The following ZNF804B variants were observed in gnomAD, a reference collection of about 807,000 sequenced individuals.
ZNF804B encodes zinc finger 804B.
A neutral mutation model predicts 101.4 loss-of-function variants in ZNF804B; 80 were observed. That is an observed-to-expected ratio of 0.79 (90% CI 0.66 to 0.95). The LOEUF (loss-of-function observed/expected upper bound fraction) is 0.95. Among genes scored for constraint, ZNF804B ranks in the 40% least tolerant of loss-of-function variants. ZNF804B has a pLI of 0.00. For missense variants in ZNF804B, 1,673 were observed against 1,561.9 expected (o/e 1.07, Z -1.20); for synonymous variants, 622 against 558.8 (o/e 1.11, Z -1.59).
At chr7:89,212,848 T>C (rs937501991) in intron 1 of ZNF804B, among the ~76,000 whole-genome samples, 8 of 152,132 alleles carry the variant, frequency 5.3e-5, no homozygotes, top group South Asian at 4.1e-4. Context: ...ATTATCCTTA[T>C]GCTAAGGAGG....
chr7:89,074,353 A>G (rs1401881551), intron 1 of ZNF804B, among the ~76,000 whole-genome samples: 4 of 152,204 alleles, frequency 2.6e-5, no homozygotes, highest in African/African-American at 7.2e-5. Flanking sequence ...CACAATTCCC[A>G]TGTGTCATGA....
intron 1 of ZNF804B, among the ~76,000 whole-genome samples, chr7:88,950,010 A>G (rs1379567790): frequency 6.6e-6 from 1 of 151,962 alleles, no homozygotes; most frequent in Non-Finnish European, 1.5e-5. Flanking sequence ...TAAGCAATGC[A>G]TGACTTATAT....
At chr7:89,332,098 TACAAGCAC>T (rs769461622) in intron 3 of ZNF804B, among the ~76,000 whole-genome samples, 24 of 151,622 alleles carry the variant, frequency 1.6e-4, no homozygotes, top group Non-Finnish European at 5.9e-5. Flanking sequence ...GGGAAAAGCA[TACAAGCAC>T]ACAAGCAGAT....
At chr7:89,052,232 G>T (rs1789217626) in intron 1 of ZNF804B, among the ~76,000 whole-genome samples, 1 of 152,006 alleles carries the variant, frequency 6.6e-6, no homozygotes, top group South Asian at 2.1e-4. Flanking sequence ...CCAGCTCCTG[G>T]GCTCAAGTGA....
chr7:89,316,617 G>A (rs1790729522), intron 2 of ZNF804B, among the ~76,000 whole-genome samples: 1 of 152,064 alleles, frequency 6.6e-6, no homozygotes, highest in Non-Finnish European at 1.5e-5. Context: ...TCTCATCACA[G>A]CAAGAACATG....
chr7:88,775,786 C>T (rs1219465230), intron 1 of ZNF804B, among the ~76,000 whole-genome samples: 2 of 152,140 alleles, frequency 1.3e-5, no homozygotes, highest in Non-Finnish European at 1.5e-5. Flanking sequence ...TGAGCCCTTT[C>T]CAGTGTTGCT....
intron 1 of ZNF804B, among the ~76,000 whole-genome samples, chr7:88,764,839 C>G (rs1789956891): frequency 6.6e-6 from 1 of 152,134 alleles, no homozygotes; most frequent in Admixed American, 6.5e-5. Context: ...CACCTGCATC[C>G]TCTTCTTGAA....
intron 1 of ZNF804B, among the ~76,000 whole-genome samples, chr7:88,822,170 C>T (rs753439402): frequency 6.6e-6 from 1 of 152,060 alleles, no homozygotes; most frequent in East Asian, 1.9e-4. Flanking sequence ...GGCAATGCAA[C>T]TATATAGGAA....
intron 1 of ZNF804B, among the ~76,000 whole-genome samples, chr7:89,139,868 TCA>T (rs1790691255): frequency 6.6e-6 from 1 of 152,094 alleles, no homozygotes; most frequent in Non-Finnish European, 1.5e-5. Flanking sequence ...CTCTTATGAA[TCA>T]CACACGTTCT....
chr7:88,763,519 T>C (rs1586892550), intron 1 of ZNF804B, among the ~76,000 whole-genome samples: 2 of 151,432 alleles, frequency 1.3e-5, no homozygotes, highest in East Asian at 3.9e-4. Context: ...TGAGTAGAGA[T>C]AGTTTATACT....
rs150883538 is a variant in ZNF804B, at chr7:89,021,277, G to C, written c.109-196878G>C. On this transcript the variant is annotated intron_variant, in intron 1 of 3. Transcript: ENST00000333190. The stretch of plus-strand genomic sequence containing the variant: ...TCTCAGTGGCCTGGGCTGAATATAT[G>C]GTGGCAATGCTGTGGCTTTGCAGGA... 2.6e-5 allele frequency among the ~76,000 whole-genome samples: 4 copies of C among 152,242 alleles called. No homozygotes were observed. The East Asian group carries it at 7.8e-4, about 30-fold the overall frequency.
rs571934060 is a variant in ZNF804B at position 88,985,901 on chromosome 7, C to G, written c.108+225817C>G. The stretch of plus-strand genomic sequence containing the variant: ...GAAGTAAATTCAGATGTAGATAATA[C>G]CATTACAGGAGGATATACTTTCTTC... On this transcript the variant is annotated intron_variant, in intron 1 of 3. Transcript: ENST00000333190. 2.0e-4 allele frequency among the ~76,000 whole-genome samples: 30 copies of G among 152,162 alleles called. No homozygotes were observed. The South Asian group carries it at 6.0e-3, about 31-fold the overall frequency.
intron 2 of ZNF804B, among the ~76,000 whole-genome samples, chr7:89,306,767 C>T (rs542805195): frequency 6.6e-6 from 1 of 152,010 alleles, no homozygotes; most frequent in South Asian, 2.1e-4. Context: ...ACTTGTATAT[C>T]ATTCCCCAAA....
At chr7:88,910,619 C>A (rs1464318287) in intron 1 of ZNF804B, among the ~76,000 whole-genome samples, 1 of 151,844 alleles carries the variant, frequency 6.6e-6, no homozygotes, top group Non-Finnish European at 1.5e-5. Flanking sequence ...ATCTATTTTA[C>A]AATTTAAGAC....
intron 1 of ZNF804B, among the ~76,000 whole-genome samples, chr7:89,035,223 T>C (rs1477056753): frequency 6.6e-6 from 1 of 152,096 alleles, no homozygotes; most frequent in Non-Finnish European, 1.5e-5. Context: ...ACAAACATGG[T>C]TACTGTTATA....
chr7:89,132,310 G>GAAAACAAAAC (rs887992467), intron 1 of ZNF804B, among the ~76,000 whole-genome samples: 1 of 151,868 alleles, frequency 6.6e-6, no homozygotes, highest in African/African-American at 2.4e-5. Flanking sequence ...GGAATTTTCT[G>GAAAACAAAAC]AAAACAAAAC....
intron 1 of ZNF804B, among the ~76,000 whole-genome samples, chr7:88,897,075 A>G (rs2115943072): frequency 6.6e-6 from 1 of 152,324 alleles, no homozygotes; most frequent in East Asian, 1.9e-4. Flanking sequence ...CTCTTACTGT[A>G]CATAAACTGC....
At chr7:88,871,605 T>C (rs904762516) in intron 1 of ZNF804B, among the ~76,000 whole-genome samples, 4 of 152,194 alleles carry the variant, frequency 2.6e-5, no homozygotes, top group East Asian at 1.9e-4. Flanking sequence ...AAAATATATA[T>C]TTAAACTTCA....
At chr7:89,066,382 C>G (rs1007996402) in intron 1 of ZNF804B, among the ~76,000 whole-genome samples, 6 of 151,982 alleles carry the variant, frequency 3.9e-5, no homozygotes, top group African/African-American at 1.4e-4. Flanking sequence ...AAAATCATGT[C>G]CTATGGTGCC....
Sources: allele counts gnomAD v4.1 joint callset (sites outside exome capture counted in the v4.1 genomes callset), GRCh38; gene constraint gnomAD v4.1.1; transcripts MANE v1.5; gene names NCBI Gene and HGNC (gene_info 2026-07-23, HGNC 2026-07-21).